Variants in TTF1 observed in about 807,000 individuals in gnomAD.
TTF1 encodes the protein transcription termination factor 1, also known as transcription termination factor, RNA polymerase I.
TTF1 carries 64 observed loss-of-function variants against 80.2 expected under a neutral mutation model. That is an observed-to-expected ratio of 0.80 (90% CI 0.65 to 0.98). The LOEUF is 0.98. Among genes scored for constraint, TTF1 ranks in the 50% least tolerant of loss-of-function variants. TTF1 has a pLI of 0.00. For synonymous variants in TTF1, 372 were observed against 382.7 expected (o/e 0.97, Z 0.33); for missense variants, 1,023 against 1,086.2 (o/e 0.94, Z 0.82).
chr9:132,380,223 C>A (rs1309016771), intron 9 of TTF1, among the ~76,000 whole-genome samples: 1 of 152,116 alleles, frequency 6.6e-6, no homozygotes, highest in Non-Finnish European at 1.5e-5. Flanking sequence ...GTGCCCACCA[C>A]CACGCCCAGC....
Position 132,402,477 on chromosome 9 carries a change from T to C in TTF1, c.345A>G (p.Thr115=). Residue 115 remains threonine (T), a synonymous_variant, in exon 2 of 11, where the codon ACA becomes ACG. Transcript: ENST00000334270. ...CAACATCCTTTCTAAAATGCTTTGG[T>C]GTGTTGTTAATATTTTCTTTATCCA... ...VLVDKENINN[T]PKHFRKDVDV... 6.2e-7 allele frequency: 1 copy of C among 1,614,218 alleles called. No homozygotes were observed. The highest frequency in any genetic ancestry group is 8.5e-7 in the Non-Finnish European group (1 of 1,180,048).
rs757168717 is a variant in TTF1, at chr9:132,386,588, T to C, written c.2346A>G (p.Glu782=). The part of the protein sequence containing the change: ...LYEINVEDTN[E]IDWEDLASAI... ...CACTAGCAAGATCTTCCCAGTCTAT[T>C]TCATTAGTATCTTCCACATTTATTT... The change falls in exon 9 of 11, where the codon GAA becomes GAG. Residue 782 remains glutamate (E), a synonymous_variant. Coordinates refer to ENST00000334270, the MANE Select transcript of TTF1 (RefSeq NM_007344.4). 1 of 1,612,942 alleles carries C rather than the reference T, an allele frequency of 6.2e-7. No homozygotes were observed. Among genetic ancestry groups the C allele is most frequent in the Non-Finnish European group, 8.5e-7 (1 of 1,178,994 alleles).
Position 132,400,242 on chromosome 9 carries a change from C to A in TTF1, c.1384G>T (p.Glu462Ter). Residue 462 changes from glutamate to a stop codon, truncating the protein, a stop_gained, in exon 3 of 11, where the codon GAA (glutamate) becomes TAA (stop). Transcript: ENST00000334270. LOFTEE classifies it high-confidence loss of function. ...QEAPRLEPANEEHNVETAEDS... is the reference protein window; with the variant it reads ...QEAPRLEPAN ...TCAGCTGTTTCCACATTGTGTTCTT[C>A]ATTTGCAGGTTCTAACCTAAGGGGT... 1.2e-6 allele frequency: 2 copies of A among 1,614,196 alleles called. No homozygotes were observed. Among genetic ancestry groups the A allele is most frequent in the Non-Finnish European group, 8.5e-7 (1 of 1,180,026 alleles).
chr9:132,379,049 G>A lies in TTF1; in HGVS notation c.2464+10C>T, dbSNP rs1849317818. 2 of 1,586,094 alleles carry A rather than the reference G, an allele frequency of 1.3e-6. No individual in the cohort carries two copies. Among genetic ancestry groups the A allele is most frequent in the Non-Finnish European group, 1.7e-6 (2 of 1,168,276 alleles). ...ATGTTCTTAGCCATATAAATATTAA[G>A]AATACTAACCTGGAAAAGTCTTTTT... On this transcript the variant is annotated intron_variant, in intron 10 of 10. Transcript: ENST00000334270.
chr9:132,396,661 G>T (rs1849655463), intron 4 of TTF1, 150 bp from the exon 5 acceptor site: 7 of 568,182 alleles, frequency 1.2e-5, no homozygotes, highest in South Asian at 6.3e-5. Flanking sequence ...AAGCTGTCTT[G>T]TTTTTTTTGT....
At chr9:132,392,321 G>C in intron 5 of TTF1, 115 bp from the exon 6 acceptor site, 1 of 1,273,512 alleles carries the variant, frequency 7.9e-7, no homozygotes, top group East Asian at 2.6e-5. Flanking sequence ...GGCTGTCAGG[G>C]AACCCGGTCA....
intron 10 of TTF1, among the ~76,000 whole-genome samples, chr9:132,377,648 ATGTGG>A (rs1181893328): frequency 1.3e-5 from 1 of 75,736 alleles, no homozygotes; most frequent in African/African-American, 5.3e-5. Flanking sequence ...GTGTGAATGC[ATGTGG>A]TGTGTGTGAG....
intron 10 of TTF1, among the ~76,000 whole-genome samples, chr9:132,377,265 G>A (rs71481395): frequency 0.47 from 65,323 of 138,528 alleles, 17,312 homozygotes; most frequent in Non-Finnish European, 0.6. Context: ...GAGTGCATGC[G>A]TGTGGTGTGA....
At chr9:132,388,002 T>C in intron 8 of TTF1, 137 bp downstream of exon 8, 1 of 587,446 alleles carries the variant, frequency 1.7e-6, no homozygotes, top group Non-Finnish European at 3.0e-6. Flanking sequence ...GTAGGTCATA[T>C]GCCCACAATA....
chr9:132,399,525 T>C (rs909339426), intron 3 of TTF1, among the ~76,000 whole-genome samples: 1 of 152,140 alleles, frequency 6.6e-6, no homozygotes, highest in African/African-American at 2.4e-5. Context: ...AGCTTTATTA[T>C]TGGATTTAAG....
In TTF1 at chr9:132,378,700, GGTGTGAGTGCATGTGGTGT is replaced by G. The variant is rs1410341350; in HGVS notation, c.2464+340_2464+358del. 2.8e-3 allele frequency among the ~76,000 whole-genome samples: 421 copies of G among 149,074 alleles called. 4 individuals are homozygous for G. Among genetic ancestry groups the G allele is most frequent in the African/African-American group, 0.01 (408 of 40,664 alleles). On this transcript the variant is annotated intron_variant, in intron 10 of 10. Transcript: ENST00000334270. ...GCATGTGGTGTGTGTGAGTGCATGT[GGTGTGAGTGCATGTGGTGT>G]GTGTGAGTGCTTGCATGTGGTGTGG...
intron 5 of TTF1, among the ~76,000 whole-genome samples, chr9:132,392,597 G>A (rs536729818): frequency 1.6e-4 from 24 of 152,234 alleles, no homozygotes; most frequent in African/African-American, 5.8e-4. Flanking sequence ...CCCGTTGATT[G>A]CTCCTGGAGA....
intron 3 of TTF1, 81 bp from the exon 4 acceptor site, chr9:132,398,407 C>G: frequency 1.4e-6 from 2 of 1,421,064 alleles, no homozygotes; most frequent in South Asian, 2.6e-5. Context: ...TTTTCATCAG[C>G]AATGACAGTA....
chr9:132,406,156 C>T (rs1201704112), intron 1 of TTF1, among the ~76,000 whole-genome samples: 1 of 152,188 alleles, frequency 6.6e-6, no homozygotes, highest in Non-Finnish European at 1.5e-5. Flanking sequence ...CATACACTTC[C>T]CGCTCTGCAG....
intron 2 of TTF1, 73 bp from the exon 3 acceptor site, chr9:132,400,331 C>CT (rs1248158626): frequency 6.8e-5 from 91 of 1,339,556 alleles, no homozygotes; most frequent in Non-Finnish European, 8.8e-5. Context: ...ATTTTTCCTT[C>CT]TTTTTTTTCG....
At chr9:132,401,036 T>C (rs1021975477) in intron 2 of TTF1, among the ~76,000 whole-genome samples, 1 of 152,194 alleles carries the variant, frequency 6.6e-6, no homozygotes, top group Non-Finnish European at 1.5e-5. Flanking sequence ...CCATTTAATA[T>C]GTATGTGCTA....
intron 5 of TTF1, 73 bp from the exon 6 acceptor site, chr9:132,392,279 C>T (rs543054659): frequency 2.6e-5 from 41 of 1,560,742 alleles, no homozygotes; most frequent in African/African-American, 5.4e-5. Context: ...CATCCCAGTA[C>T]GCAGCAATCG....
intron 3 of TTF1, among the ~76,000 whole-genome samples, chr9:132,399,614 G>T (rs933944240): frequency 1.3e-5 from 2 of 152,102 alleles, no homozygotes; most frequent in Admixed American, 6.5e-5. Context: ...AAATCAAGAA[G>T]GTGATCAAGT....
In TTF1 at chr9:132,384,730, T is replaced by A. The variant is rs1331084941; in HGVS notation, c.2378+1826A>T. Among the ~76,000 whole-genome samples, 4 of 152,078 alleles carry A rather than the reference T, an allele frequency of 2.6e-5. No individual in the cohort carries two copies. The highest frequency in any genetic ancestry group is 9.7e-5 in the African/African-American group (4 of 41,416). ...GGAGTGCAATGGCATGATCTCGGCTTACTGCAACCTCCGCCTCCTGGGTTC... is the reference window on the plus strand; with the variant it reads ...GGAGTGCAATGGCATGATCTCGGCTAACTGCAACCTCCGCCTCCTGGGTTC... On this transcript the variant is annotated intron_variant, in intron 9 of 10. Coordinates refer to ENST00000334270, the MANE Select transcript of TTF1 (RefSeq NM_007344.4). This position sits in a 1 kb window ranked among gnomAD's most constrained non-coding sequence, Gnocchi z 4.1.
Sources: gnomAD v4.1 joint callset for allele counts (sites outside exome capture counted in the v4.1 genomes callset) on GRCh38, gnomAD v4.1.1 for gene constraint, Gnocchi (gnomAD v3.1) non-coding constraint, MANE v1.5 for transcripts, NCBI Gene and HGNC (gene_info 2026-07-23, HGNC 2026-07-21) for gene names.